Variants in PI4KA observed in about 807,000 individuals in gnomAD.
PI4KA encodes phosphatidylinositol 4-kinase alpha.
In PI4KA, 122 loss-of-function variants were observed where a neutral mutation model predicts 271.4. That is an observed-to-expected ratio of 0.45 (90% confidence interval 0.39 to 0.52). The LOEUF (loss-of-function observed/expected upper bound fraction) is 0.52, where lower values mean the gene tolerates loss of function less well. Ranked by LOEUF, PI4KA falls within the 20% of genes least tolerant of loss-of-function variation. The pLI is 0.00. For missense variants in PI4KA, 1,969 were observed against 2,769.1 expected (o/e 0.71, Z 6.48); for synonymous variants, 1,041 against 1,078.8 (o/e 0.96, Z 0.69).
chr22:20,765,591 C>T lies in PI4KA; in HGVS notation c.2431G>A (p.Gly811Ser). ...AGAGAGATGATCCCCCTACCTGAGC[C>T]CTCCACAGCGAATCCCATCAGAACG... ...YSVLMGFAVEGSGLWPEEWYE... is the reference protein window; with the variant it reads ...YSVLMGFAVESSGLWPEEWYE... The change falls in exon 20 of 55, where the codon GGC becomes AGC. Residue 811 changes from glycine to serine, a missense_variant. Physicochemically the swap from Gly to Ser is moderately conservative, Grantham distance 56 (BLOSUM62 0). Coordinates refer to ENST00000255882, the MANE Select transcript of PI4KA (RefSeq NM_058004.4). 6.3e-7 allele frequency: 1 copy of T among 1,591,722 alleles called. No individual in the cohort carries two copies. The highest frequency in any genetic ancestry group is 8.6e-7 in the Non-Finnish European group (1 of 1,160,514).
At chr22:20,760,269 A>G (rs1931831661) in intron 23 of PI4KA, among the ~76,000 whole-genome samples, 1 of 152,212 alleles carries the variant, frequency 6.6e-6, no homozygotes, top group Admixed American at 6.5e-5. Flanking sequence ...CATCATAATT[A>G]CAAAAATTAT....
At chr22:20,810,297 G>A (rs1310949946) in intron 9 of PI4KA, among the ~76,000 whole-genome samples, 1 of 152,106 alleles carries the variant, frequency 6.6e-6, no homozygotes, top group East Asian at 1.9e-4. Context: ...ACGAGGTCAG[G>A]AGATTGAGAC....
At position 20,803,197 on chromosome 22, in the gene PI4KA, G is replaced by C; in HGVS notation, c.1585C>G (p.His529Asp). The change falls in exon 13 of 55, where the codon CAC (histidine) becomes GAC (aspartate). Residue 529 changes from histidine to aspartate, a missense_variant. By Grantham distance (81) the His-to-Asp change is moderately conservative (BLOSUM62 -1). This residue lies in a region of PI4KA where 228 missense variants were observed against 261.6 expected (regional missense o/e 0.87). Coordinates refer to ENST00000255882, the MANE Select transcript of PI4KA (RefSeq NM_058004.4). ...GCACATAGTCTGTTATTACCTGTGT[G>C]GTACTGACTGTGGTACTTGTAGAGC... ...VKLYKYHSQYHTVAGNDIKIS... is the reference protein window; with the variant it reads ...VKLYKYHSQYDTVAGNDIKIS... 1 of 1,614,040 alleles carries C rather than the reference G, an allele frequency of 6.2e-7. No homozygotes were observed. The highest frequency in any genetic ancestry group is 8.5e-7 in the Non-Finnish European group (1 of 1,179,920).
chr22:20,714,650 T>C lies in PI4KA; in HGVS notation c.5368A>G (p.Lys1790Glu), dbSNP rs1404980748. ...CACCTCTGCATCGGGGTCCCAGACT[T>C]GTAGTCGATGTCCAGCACAATGGCC... ...PEAIVLDIDY[K>E]SGTPMQSAAK... The change falls in exon 46 of 55, where the codon AAG becomes GAG. Residue 1790 changes from lysine (K) to glutamate (E), a missense_variant. Around this residue, in one of 13 missense-constraint regions of PI4KA, gnomAD observed 388 missense variants for 521.5 expected, o/e 0.74. Transcript: ENST00000255882. 2 of 1,613,906 alleles carry C rather than the reference T, an allele frequency of 1.2e-6. No individual in the cohort carries two copies. Among genetic ancestry groups the C allele is most frequent in the Middle Eastern group, 1.7e-4 (1 of 6,056 alleles).
intron 3 of PI4KA, among the ~76,000 whole-genome samples, chr22:20,832,257 C>G (rs1466080664): frequency 4.0e-5 from 6 of 148,614 alleles, no homozygotes; most frequent in African/African-American, 1.2e-4. Flanking sequence ...CTGGGATTTA[C>G]AGGCGTGCGC....
chr22:20,758,096 T>C (rs1931504731), intron 23 of PI4KA, among the ~76,000 whole-genome samples: 1 of 152,022 alleles, frequency 6.6e-6, no homozygotes, highest in South Asian at 2.1e-4. Flanking sequence ...CCGGGCGCAG[T>C]GGCTCATGCC....
chr22:20,858,020 G>A (rs541212846), intron 1 of PI4KA, among the ~76,000 whole-genome samples: 6 of 152,120 alleles, frequency 3.9e-5, no homozygotes, highest in African/African-American at 9.7e-5. Flanking sequence ...CCCCAGCCTC[G>A]TAGAATAACA....
At chr22:20,778,414 G>T (rs557071929) in intron 19 of PI4KA, among the ~76,000 whole-genome samples, 1 of 152,278 alleles carries the variant, frequency 6.6e-6, no homozygotes, top group East Asian at 1.9e-4. Flanking sequence ...TGAGGCAAGA[G>T]AATTGCTTGA....
At chr22:20,780,273 C>A in intron 19 of PI4KA, 2 of 1,596,238 alleles carry the variant, frequency 1.3e-6, no homozygotes, top group South Asian at 1.1e-5. Flanking sequence ...AGATTGAATG[C>A]CAAGAACTGT....
At chr22:20,751,253 T>C in intron 27 of PI4KA, 40 bp downstream of exon 27, 1 of 1,498,098 alleles carries the variant, frequency 6.7e-7, no homozygotes, top group South Asian at 1.1e-5. Flanking sequence ...GGAATTGTGG[T>C]AAAGATGGCC....
At chr22:20,773,399 A>C (rs945064035) in intron 19 of PI4KA, among the ~76,000 whole-genome samples, 1 of 152,142 alleles carries the variant, frequency 6.6e-6, no homozygotes, top group African/African-American at 2.4e-5. Flanking sequence ...ACAAACAAAC[A>C]AACAAACAAA....
chr22:20,749,974 A>G lies in PI4KA; in HGVS notation c.3174T>C (p.Ala1058=). Residue 1058 remains alanine, a synonymous_variant, in exon 28 of 55, where the codon GCT becomes GCC. Coordinates refer to ENST00000255882, the MANE Select transcript of PI4KA (RefSeq NM_058004.4). ...EARESIVKDF[A]ARCGMILQEA... Reference sequence around the variant, plus strand: ...CCTGGAGGATCATCCCACAGCGTGCAGCGAAGTCCTTCACAATGCTCTGGA... The same window carrying G: ...CCTGGAGGATCATCCCACAGCGTGCGGCGAAGTCCTTCACAATGCTCTGGA... The G allele has an allele frequency of 6.2e-7, 1 of 1,613,438 alleles. No individual in the cohort carries two copies. The highest frequency in any genetic ancestry group is 1.3e-5 in the African/African-American group (1 of 75,034).
At position 20,796,304 on chromosome 22, in the gene PI4KA, G is replaced by T; in HGVS notation, c.2119C>A (p.Leu707Met). 1 of 1,613,572 alleles carries T rather than the reference G, an allele frequency of 6.2e-7. No individual in the cohort carries two copies. The highest frequency in any genetic ancestry group is 8.5e-7 in the Non-Finnish European group (1 of 1,179,754). ...YKDHGYRHCS[L>M]AVINALANIA... is the part of the protein sequence containing the mutation. ...TTGGCCAGGGCATTAATCACTGCCA[G>T]GGAGCAATGCCTGAAGAAGAAGGAG... The change falls in exon 18 of 55, where the codon CTG becomes ATG. Residue 707 changes from leucine to methionine, a missense_variant. Physicochemically the swap from Leu to Met is conservative, Grantham distance 15. This residue lies in a region of PI4KA where 368 missense variants were observed against 544.3 expected (regional missense o/e 0.68). Transcript: ENST00000255882.
At chr22:20,786,356 A>AG (rs963474060) in intron 19 of PI4KA, among the ~76,000 whole-genome samples, 4 of 152,156 alleles carry the variant, frequency 2.6e-5, no homozygotes, top group African/African-American at 7.2e-5. Context: ...CTTACTGGGC[A>AG]GGGGGGATCC....
chr22:20,730,663 C>G (rs553091433), intron 36 of PI4KA, among the ~76,000 whole-genome samples: 1 of 151,896 alleles, frequency 6.6e-6, no homozygotes. Context: ...CTCTGCCTCC[C>G]GGGTTTAAGC....
At chr22:20,779,127 T>A (rs1933536497) in intron 19 of PI4KA, 7 of 1,460,760 alleles carry the variant, frequency 4.8e-6, no homozygotes, top group Non-Finnish European at 2.8e-6. Flanking sequence ...AAAGGTTGGG[T>A]GTCTATCTAC....
intron 1 of PI4KA, among the ~76,000 whole-genome samples, chr22:20,858,022 A>T (rs1006834629): frequency 2.0e-5 from 3 of 152,166 alleles, no homozygotes; most frequent in African/African-American, 7.2e-5. Context: ...CCAGCCTCGT[A>T]GAATAACACT....
intron 17 of PI4KA, 71 bp from the exon 18 acceptor site, chr22:20,796,385 G>C (rs901928163): frequency 1.4e-6 from 2 of 1,479,680 alleles, no homozygotes; most frequent in African/African-American, 2.8e-5. Context: ...GCACTGCAGG[G>C]GTGAGGCGAG....
intron 19 of PI4KA, among the ~76,000 whole-genome samples, chr22:20,778,594 T>C (rs1235979283): frequency 6.6e-6 from 1 of 152,146 alleles, no homozygotes; most frequent in Non-Finnish European, 1.5e-5. Flanking sequence ...ATTTCAAGTA[T>C]CTTTAGAATA....
Sources: gnomAD v4.1 joint callset for allele counts (sites outside exome capture counted in the v4.1 genomes callset) on GRCh38, gnomAD v4.1.1 for gene constraint, gnomAD v4.1.1 regional missense constraint, MANE v1.5 for transcripts, NCBI Gene and HGNC (gene_info 2026-07-23, HGNC 2026-07-21) for gene names.